Variants in SPATA16 observed in about 807,000 individuals in gnomAD.
The protein encoded by SPATA16 is spermatogenesis-associated protein 16.
SPATA16 carries 36 observed loss-of-function variants against 63.3 expected under a neutral mutation model. The ratio of observed to expected loss-of-function variants is 0.57; its 90% CI spans 0.44 to 0.75. The LOEUF (loss-of-function observed/expected upper bound fraction) is 0.75, where lower values mean the gene tolerates loss of function less well. Ranked by LOEUF, SPATA16 falls within the 30% of genes least tolerant of loss-of-function variation. The probability of loss-of-function intolerance (pLI) is 0.00; values close to 1 mark genes in which losing one functional copy is unlikely to be tolerated. For missense variants in SPATA16, 646 were observed against 679.3 expected (o/e 0.95, Z 0.54); for synonymous variants, 203 against 216.7 (o/e 0.94, Z 0.56).
intron 2 of SPATA16, among the ~76,000 whole-genome samples, chr3:173,104,601 C>T (rs565724738): frequency 1.4e-4 from 22 of 152,220 alleles, no homozygotes; most frequent in Admixed American, 1.4e-3. Flanking sequence ...ATAACCAGAT[C>T]TCTTGAGAAA....
At chr3:173,094,245 A>G (rs982791988) in intron 2 of SPATA16, among the ~76,000 whole-genome samples, 17 of 152,154 alleles carry the variant, frequency 1.1e-4, no homozygotes, top group African/African-American at 3.1e-4. Context: ...TTTTATCACC[A>G]TAAGAACAAC....
intron 1 of SPATA16, among the ~76,000 whole-genome samples, chr3:173,134,320 G>A (rs1309325055): frequency 6.6e-6 from 1 of 151,924 alleles, no homozygotes; most frequent in Admixed American, 6.6e-5. Context: ...GGAGGTGTTT[G>A]AGTCATGAAT....
At chr3:173,099,191 A>G (rs1737431142) in intron 2 of SPATA16, among the ~76,000 whole-genome samples, 1 of 152,108 alleles carries the variant, frequency 6.6e-6, no homozygotes, top group African/African-American at 2.4e-5. Context: ...TTACATCATC[A>G]CAAGAAGGAT....
chr3:173,088,070 C>CTTTCTTTCTT (rs1553801678), intron 2 of SPATA16, among the ~76,000 whole-genome samples: 1 of 105,442 alleles, frequency 9.5e-6, no homozygotes, highest in African/African-American at 3.5e-5. Flanking sequence ...TTCTTTCTTT[C>CTTTCTTTCTT]TTTCTTTCTG....
At chr3:172,916,239 T>TG (rs1317390767) in intron 9 of SPATA16, 78 bp downstream of exon 9, 29 of 1,549,626 alleles carry the variant, frequency 1.9e-5, no homozygotes, top group East Asian at 4.5e-5. Context: ...GGATTTTTTT[T>TG]TTTTTTTTTC....
intron 2 of SPATA16, among the ~76,000 whole-genome samples, chr3:173,080,850 A>G (rs1407760845): frequency 1.3e-5 from 2 of 152,188 alleles, no homozygotes; most frequent in African/African-American, 2.4e-5. Context: ...TTCTGCATAC[A>G]TATGCTTGAT....
intron 2 of SPATA16, among the ~76,000 whole-genome samples, chr3:173,107,984 G>T (rs9869130): frequency 0.038 from 5,768 of 152,050 alleles, 358 homozygotes; most frequent in African/African-American, 0.13. Context: ...CATGACAATT[G>T]GTTAGGTATT....
intron 4 of SPATA16, among the ~76,000 whole-genome samples, chr3:172,994,500 T>C (rs1024109622): frequency 6.6e-6 from 1 of 152,086 alleles, no homozygotes; most frequent in Non-Finnish European, 1.5e-5. Context: ...TAACATGCTG[T>C]GCTTGGGGGG....
rs74433250 is a variant in SPATA16 at position 173,070,904 on chromosome 3, T to G, written c.613-21810A>C. Among the ~76,000 whole-genome samples the G allele has an allele frequency of 2.0e-5, 3 of 152,290 alleles. No homozygotes were observed. In the East Asian group the frequency reaches 5.8e-4, roughly 29 times the overall value. ...ATACTACCCAAAGCAATCTACAGATTTAATGGAATTCCTGTCAAAATACCA... is the reference window on the plus strand; with the variant it reads ...ATACTACCCAAAGCAATCTACAGATGTAATGGAATTCCTGTCAAAATACCA... On this transcript the variant is annotated intron_variant, in intron 2 of 10. Transcript: ENST00000351008.
intron 10 of SPATA16, among the ~76,000 whole-genome samples, chr3:172,903,516 A>C (rs911435021): frequency 6.6e-6 from 1 of 152,140 alleles, no homozygotes; most frequent in Non-Finnish European, 1.5e-5. Context: ...TAAAACTTGG[A>C]GGGGTTATGG....
chr3:173,088,077 T>C (rs566956447), intron 2 of SPATA16, among the ~76,000 whole-genome samples: 1 of 115,966 alleles, frequency 8.6e-6, no homozygotes, highest in East Asian at 2.4e-4. Flanking sequence ...TTTCTTTCTT[T>C]CTGTCTTTTC....
At chr3:173,050,102 A>G (rs1227749602) in intron 2 of SPATA16, among the ~76,000 whole-genome samples, 1 of 152,156 alleles carries the variant, frequency 6.6e-6, no homozygotes, top group Non-Finnish European at 1.5e-5. Context: ...TAAATGACAT[A>G]GTTTAAAATA....
At chr3:173,089,835 C>A (rs1386530901) in intron 2 of SPATA16, among the ~76,000 whole-genome samples, 1 of 152,082 alleles carries the variant, frequency 6.6e-6, no homozygotes, top group African/African-American at 2.4e-5. Flanking sequence ...AGCACATGGG[C>A]CCTTACTGGA....
rs76258278 is a variant in SPATA16 at position 173,021,722 on chromosome 3, TTTTATTTATTTA to T, written c.759-2159_759-2148del. Among the ~76,000 whole-genome samples the T allele has an allele frequency of 9.6e-3, 1,343 of 139,706 alleles. 49 individuals carry two copies. Among genetic ancestry groups the T allele is most frequent in the South Asian group, 6.4e-3 (27 of 4,238 alleles). The allele number at this position is 139,706 out of a possible 152,430, so 91.7% of individuals were successfully genotyped here. ...GGATAGGTAATTCTTCCCTATTACT[TTTTATTTATTTA>T]TTTATTTATTTATTTATTTATTTAT... is the stretch of plus-strand genomic sequence containing the variant. On this transcript the variant is annotated intron_variant, in intron 3 of 10. Transcript: ENST00000351008.
intron 10 of SPATA16, among the ~76,000 whole-genome samples, chr3:172,910,918 G>A (rs1412823571): frequency 6.6e-6 from 1 of 152,148 alleles, no homozygotes; most frequent in Admixed American, 6.5e-5. Context: ...GTGAACATAG[G>A]TGCACTTTCG....
chr3:172,960,937 T>TTC (rs1228737525), intron 5 of SPATA16, among the ~76,000 whole-genome samples: 1 of 132,048 alleles, frequency 7.6e-6, no homozygotes, highest in Non-Finnish European at 1.6e-5. Flanking sequence ...TTCCTTCTCT[T>TTC]TCTCTCTTCC....
intron 2 of SPATA16, among the ~76,000 whole-genome samples, chr3:173,077,140 A>C (rs1368193244): frequency 6.6e-6 from 1 of 152,216 alleles, no homozygotes; most frequent in Non-Finnish European, 1.5e-5. Context: ...CATATGGCTC[A>C]TAAATAGCTA....
intron 3 of SPATA16, among the ~76,000 whole-genome samples, chr3:173,037,338 G>A (rs1735737023): frequency 6.6e-6 from 1 of 152,056 alleles, no homozygotes; most frequent in African/African-American, 2.4e-5. Context: ...GAGCCTGTAT[G>A]TGTTGAACAG....
intron 2 of SPATA16, among the ~76,000 whole-genome samples, chr3:173,050,943 G>A (rs958903032): frequency 3.9e-5 from 6 of 152,114 alleles, no homozygotes; most frequent in Non-Finnish European, 8.8e-5. Context: ...AAGTGTCAGC[G>A]TGGCTGTAAA....
Sources: allele counts gnomAD v4.1 joint callset (sites outside exome capture counted in the v4.1 genomes callset), GRCh38; gene constraint gnomAD v4.1.1; transcripts MANE v1.5; gene names NCBI Gene and HGNC (gene_info 2026-07-23, HGNC 2026-07-21).